TOP1MT: variants seen among roughly 807,000 people sequenced by gnomAD.
TOP1MT encodes DNA topoisomerase I, mitochondrial.
In TOP1MT, 80 loss-of-function variants were observed where a neutral mutation model predicts 73.9. That is an observed-to-expected ratio of 1.08 (90% confidence interval 0.90 to 1.30). The LOEUF (loss-of-function observed/expected upper bound fraction) is 1.30. TOP1MT is among the 50% of genes most tolerant of loss of function. The pLI is 0.00. For synonymous variants in TOP1MT, 338 were observed against 326.4 expected (o/e 1.04, Z -0.38); for missense variants, 815 against 808.0 (o/e 1.01, Z -0.10).
intron 5 of TOP1MT, among the ~76,000 whole-genome samples, 197 bp downstream of exon 5, chr8:143,325,149 T>C (rs1005359644): frequency 6.6e-6 from 1 of 152,154 alleles, no homozygotes; most frequent in African/African-American, 2.4e-5. Flanking sequence ...GGCGAGGACT[T>C]CCGACCCCGT....
In TOP1MT at chr8:143,323,674, G is replaced by A. The variant is rs1332698648; in HGVS notation, c.960+325C>T. ...ACACACATGCTCACCACACACGCACGCCACACACATGCACGCCACACACAC... is the reference window on the plus strand; with the variant it reads ...ACACACATGCTCACCACACACGCACACCACACACATGCACGCCACACACAC... On this transcript the variant is annotated intron_variant, in intron 7 of 13. Transcript: ENST00000329245. Among the ~76,000 whole-genome samples the A allele has an allele frequency of 1.6e-4, 7 of 43,552 alleles. 2 individuals carry two copies. The highest frequency in any genetic ancestry group is 3.0e-4 in the African/African-American group (5 of 16,510). The allele number at this position is 43,552 out of a possible 152,430, so 28.6% of individuals were successfully genotyped here.
intron 12 of TOP1MT, chr8:143,310,553 A>C: frequency 3.8e-5 from 8 of 209,738 alleles, no homozygotes; most frequent in East Asian, 1.1e-4. Context: ...GCAAACACAA[A>C]TGTCCTTTAA....
intron 1 of TOP1MT, chr8:143,334,372 G>A (rs1034416173): frequency 1.5e-4 from 26 of 177,232 alleles, no homozygotes; most frequent in Admixed American, 9.9e-4. Flanking sequence ...AGGAAAGAGC[G>A]GGTCTCAGAA....
At chr8:143,320,607 A>G (rs1019745497) in intron 8 of TOP1MT, among the ~76,000 whole-genome samples, 1 of 152,256 alleles carries the variant, frequency 6.6e-6, no homozygotes, top group African/African-American at 2.4e-5. Context: ...TTAGAGACTG[A>G]TAAGATGAAG....
upstream of TOP1MT, among the ~76,000 whole-genome samples, chr8:143,338,563 T>A (rs527948587): frequency 6.7e-6 from 1 of 148,474 alleles, no homozygotes; most frequent in Admixed American, 6.6e-5. Flanking sequence ...TGAGACTCCG[T>A]CTCAAAAAAA....
chr8:143,337,746 A>C (rs1817006270), upstream of TOP1MT, among the ~76,000 whole-genome samples: 1 of 152,230 alleles, frequency 6.6e-6, no homozygotes, highest in Non-Finnish European at 1.5e-5. Context: ...CTCAAAGAAA[A>C]GAAAAAGTAG....
intron 7 of TOP1MT, among the ~76,000 whole-genome samples, 163 bp from the exon 8 acceptor site, chr8:143,321,549 C>G (rs1228802307): frequency 8.1e-6 from 1 of 123,946 alleles, no homozygotes; most frequent in Non-Finnish European, 1.9e-5. Context: ...GCACGCCACA[C>G]ACGCACGCCA....
intron 7 of TOP1MT, among the ~76,000 whole-genome samples, chr8:143,323,318 G>A (rs1223051824): frequency 0.012 from 353 of 30,208 alleles, no homozygotes; most frequent in African/African-American, 0.021. Context: ...CTCACCACAC[G>A]CACGCCACAC....
At chr8:143,332,380 T>C in intron 1 of TOP1MT, 1 of 850,294 alleles carries the variant, frequency 1.2e-6, no homozygotes, top group South Asian at 1.4e-5. Context: ...GGAGAGGCTT[T>C]GGCGAGAGGG....
chr8:143,347,000 T>TATTTA, upstream of TOP1MT, among the ~76,000 whole-genome samples: 1 of 151,180 alleles, frequency 6.6e-6, no homozygotes, highest in African/African-American at 2.4e-5. Context: ...TTTATTTATT[T>TATTTA]TGAGAGATGG....
intron 2 of TOP1MT, among the ~76,000 whole-genome samples, chr8:143,342,555 TTAG>T: frequency 8.0e-6 from 1 of 125,316 alleles, no homozygotes; most frequent in East Asian, 2.3e-4. Context: ...ATTATTATTA[TTAG>T]AGACAGAGTC....
chr8:143,322,446 A>C (rs1188153481), intron 7 of TOP1MT, among the ~76,000 whole-genome samples: 6 of 114,470 alleles, frequency 5.2e-5, no homozygotes, highest in Non-Finnish European at 8.5e-5. Flanking sequence ...CACGCACGCC[A>C]CACACAGGCA....
intron 10 of TOP1MT, among the ~76,000 whole-genome samples, chr8:143,317,147 C>A (rs1468692336): frequency 1.3e-5 from 2 of 152,186 alleles, no homozygotes; most frequent in African/African-American, 4.8e-5. Context: ...GTGGGAGGCA[C>A]CCTCTGGACA....
rs551708435 is a variant in TOP1MT at position 143,332,563 on chromosome 8, G to A, written c.123-1224C>T. 349 of 1,289,456 alleles carry A rather than the reference G, an allele frequency of 2.7e-4. 1 individual carries two copies. The African/African-American group carries it at 5.0e-3, about 18-fold the overall frequency. The allele number at this position is 1,289,456 out of a possible 1,614,324, so 79.9% of individuals were successfully genotyped here. A position where few individuals can be genotyped will look rare whatever the true frequency, so the allele number is the denominator to read the frequency against. On this transcript the variant is annotated intron_variant, in intron 1 of 13. Coordinates refer to ENST00000329245, the MANE Select transcript of TOP1MT (RefSeq NM_052963.3). ...GGGCCTGGTGGGCCTGGTCGGCTGGGATGAGTGTCCTCAGAGCAACAGGAA... is the reference window on the plus strand; with the variant it reads ...GGGCCTGGTGGGCCTGGTCGGCTGGAATGAGTGTCCTCAGAGCAACAGGAA...
chr8:143,316,716 A>G (rs1816175348), intron 10 of TOP1MT, among the ~76,000 whole-genome samples: 1 of 152,196 alleles, frequency 6.6e-6, no homozygotes, highest in African/African-American at 2.4e-5. Flanking sequence ...TTTTCCAGTC[A>G]AGAATGAGGT....
intron 7 of TOP1MT, among the ~76,000 whole-genome samples, chr8:143,323,321 C>T (rs1247219484): frequency 3.5e-5 from 4 of 113,022 alleles, no homozygotes; most frequent in African/African-American, 1.0e-4. Flanking sequence ...ACCACACGCA[C>T]GCCACACACA....
rs1817190333 is a variant in TOP1MT, at chr8:143,344,786, AG to A, written c.-39+129del. 6.6e-6 allele frequency: 1 copy of A among 152,468 alleles called. No individual in the cohort carries two copies. Among genetic ancestry groups the A allele is most frequent in the Non-Finnish European group, 1.5e-5 (1 of 68,252 alleles). 9.4% of individuals were successfully genotyped at this position (152,468 alleles called of 1,614,324 possible). A position where few individuals can be genotyped will look rare whatever the true frequency, so the allele number is the denominator to read the frequency against. On this transcript the variant is annotated intron_variant, in intron 1 of 5. Coordinates refer to the TOP1MT transcript ENST00000518007. This position sits in a 1 kb window ranked among gnomAD's most constrained non-coding sequence, Gnocchi z 4.6. ...CCGTAAGTCCAGGGCCCAGCACCTAAGGGTGATTAACTGGCAAGGACACCAA... is the reference window on the plus strand; with the variant it reads ...CCGTAAGTCCAGGGCCCAGCACCTAAGGTGATTAACTGGCAAGGACACCAA...
At chr8:143,347,304 G>A (rs1003925746), upstream of TOP1MT, among the ~76,000 whole-genome samples, 3 of 152,104 alleles carry the variant, frequency 2.0e-5, no homozygotes, top group East Asian at 3.9e-4. Flanking sequence ...ACAGGTGCCC[G>A]CCACCATGCC....
intron 6 of TOP1MT, 139 bp from the exon 7 acceptor site, chr8:143,324,281 G>GC (rs1314615938): frequency 1.3e-4 from 174 of 1,366,142 alleles, no homozygotes; most frequent in South Asian, 3.9e-4. Flanking sequence ...AGCAAATCTA[G>GC]CTGGGTGATG....
Sources: gnomAD v4.1 joint callset for allele counts (sites outside exome capture counted in the v4.1 genomes callset) on GRCh38, gnomAD v4.1.1 for gene constraint, Gnocchi (gnomAD v3.1) non-coding constraint, MANE v1.5 for transcripts, NCBI Gene and HGNC (gene_info 2026-07-23, HGNC 2026-07-21) for gene names.